LIPA: variants seen among roughly 807,000 people sequenced by gnomAD.
LIPA encodes lipase A, lysosomal acid type, also known as lysosomal acid lipase/cholesteryl ester hydrolase.
Under a neutral mutation model 40.6 loss-of-function variants are expected in LIPA, and 26 were observed. That is an observed-to-expected ratio of 0.64 (90% confidence interval 0.47 to 0.89). LIPA has a LOEUF of 0.89. Ranked by LOEUF, LIPA falls within the 40% of genes least tolerant of loss-of-function variation. LIPA has a pLI of 0.00. For synonymous variants in LIPA, 188 were observed against 168.4 expected (o/e 1.12, Z -0.90); for missense variants, 455 against 479.6 (o/e 0.95, Z 0.48).
intron 1 of LIPA, among the ~76,000 whole-genome samples, chr10:89,250,372 G>A (rs1006024026): frequency 1.3e-5 from 2 of 152,072 alleles, no homozygotes; most frequent in African/African-American, 4.8e-5. Flanking sequence ...AAAAGTGCTA[G>A]GATTACAGGC....
At chr10:89,289,963 G>A (rs1297117033) in intron 1 of LIPA, among the ~76,000 whole-genome samples, 1 of 140,600 alleles carries the variant, frequency 7.1e-6, no homozygotes, top group African/African-American at 2.7e-5. Context: ...CTACAAAATC[G>A]CTGAGGCCTT....
At chr10:89,386,970 TGTGAGA>T (rs750712136) in intron 2 of LIPA, among the ~76,000 whole-genome samples, 2 of 80,818 alleles carry the variant, frequency 2.5e-5, no homozygotes, top group African/African-American at 4.5e-5. Flanking sequence ...TGTGTGTGTG[TGTGAGA>T]GAGAGAGAGA....
intron 2 of LIPA, among the ~76,000 whole-genome samples, chr10:89,356,613 CTCCCA>C (rs1323108680): frequency 4.6e-5 from 7 of 152,210 alleles, no homozygotes; most frequent in African/African-American, 1.7e-4. Context: ...CTGCCACTGT[CTCCCA>C]TCACCCCCAG....
chr10:89,254,829 A>G (rs1391111631), upstream of LIPA, among the ~76,000 whole-genome samples: 1 of 152,192 alleles, frequency 6.6e-6, no homozygotes, highest in African/African-American at 2.4e-5. Context: ...CCTCAAGTTC[A>G]AAGTTTCACA....
At chr10:89,250,635 T>G (rs1769331397) in intron 1 of LIPA, among the ~76,000 whole-genome samples, 1 of 152,236 alleles carries the variant, frequency 6.6e-6, no homozygotes, top group Admixed American at 6.5e-5. Flanking sequence ...GAATAGCATC[T>G]GCAGGAGCTG....
At chr10:89,221,400 C>G (rs1038479531) in intron 8 of LIPA, among the ~76,000 whole-genome samples, 5 of 151,986 alleles carry the variant, frequency 3.3e-5, no homozygotes, top group Non-Finnish European at 5.9e-5. Context: ...ATTCTCTAGT[C>G]CAAATGATTG....
chr10:89,261,394 AC>A (rs1476381490), intron 1 of LIPA, among the ~76,000 whole-genome samples: 1 of 152,242 alleles, frequency 6.6e-6, no homozygotes, highest in Non-Finnish European at 1.5e-5. Flanking sequence ...AATCCCAGCT[AC>A]TTGGGAGGCT....
intron 1 of LIPA, chr10:89,285,290 C>G (rs1843335619): frequency 6.5e-6 from 1 of 153,058 alleles, no homozygotes; most frequent in African/African-American, 2.4e-5. Flanking sequence ...TTACTCTCTT[C>G]TCCAATCTCT....
chr10:89,248,348 GACAGGGTTTCACT>G (rs772080134), intron 1 of LIPA, among the ~76,000 whole-genome samples: 61 of 147,794 alleles, frequency 4.1e-4, no homozygotes, highest in Non-Finnish European at 7.1e-4. Context: ...TTTTAGTAGA[GACAGGGTTTCACT>G]ATATTGGCAA....
At chr10:89,390,265 C>A (rs1330630505) in intron 2 of LIPA, among the ~76,000 whole-genome samples, 1 of 152,036 alleles carries the variant, frequency 6.6e-6, no homozygotes, top group Non-Finnish European at 1.5e-5. Flanking sequence ...GGATTACAGG[C>A]GTGAGCCACT....
chr10:89,282,038 T>A (rs1436249819), intron 1 of LIPA, among the ~76,000 whole-genome samples: 1 of 152,226 alleles, frequency 6.6e-6, no homozygotes, highest in Admixed American at 6.5e-5. Flanking sequence ...CAAGAGTTAA[T>A]CAACTTTACT....
chr10:89,319,028 A>G (rs1843556847), intron 1 of LIPA, among the ~76,000 whole-genome samples: 1 of 152,246 alleles, frequency 6.6e-6, no homozygotes, highest in South Asian at 2.1e-4. Context: ...GAACAAAGAC[A>G]CAACACACCA....
intron 2 of LIPA, chr10:89,402,883 T>C: frequency 6.2e-7 from 1 of 1,614,244 alleles, no homozygotes; most frequent in Middle Eastern, 1.7e-4. Context: ...CCATTTTCTT[T>C]GCTTCCCCTA....
intron 1 of LIPA, among the ~76,000 whole-genome samples, chr10:89,298,060 A>C (rs1387440421): frequency 6.6e-6 from 1 of 152,202 alleles, no homozygotes. Context: ...TGCCAACATC[A>C]GTGTACACTT....
chr10:89,411,830 A>C (rs1184234553), intron 2 of LIPA, among the ~76,000 whole-genome samples: 2 of 152,206 alleles, frequency 1.3e-5, no homozygotes, highest in Non-Finnish European at 2.9e-5. Context: ...AAATCAGACA[A>C]CACCTTTCAA....
At chr10:89,337,602 G>C (rs1433519407) in intron 1 of LIPA, among the ~76,000 whole-genome samples, 1 of 152,094 alleles carries the variant, frequency 6.6e-6, no homozygotes, top group Non-Finnish European at 1.5e-5. Flanking sequence ...CTTTCGCCAT[G>C]TTGCCCAGGC....
chr10:89,232,373 G>A (rs752790719), intron 3 of LIPA, among the ~76,000 whole-genome samples: 3 of 152,212 alleles, frequency 2.0e-5, no homozygotes, highest in African/African-American at 7.2e-5. Context: ...GGCCAGGAAC[G>A]GGCTGCTCCC....
chr10:89,285,775 C>T (rs1240762568), intron 1 of LIPA, among the ~76,000 whole-genome samples: 1 of 151,896 alleles, frequency 6.6e-6, no homozygotes, highest in Non-Finnish European at 1.5e-5. Context: ...TGTCTCTACC[C>T]TCTCTTTTCT....
chr10:89,329,841 T>G (rs956151522), intron 1 of LIPA, among the ~76,000 whole-genome samples: 9 of 152,040 alleles, frequency 5.9e-5, no homozygotes, highest in Admixed American at 3.9e-4. Flanking sequence ...TTCACCTGGG[T>G]GCAGGTGGGC....
Sources: gnomAD v4.1 joint callset for allele counts (sites outside exome capture counted in the v4.1 genomes callset) on GRCh38, gnomAD v4.1.1 for gene constraint, MANE v1.5 for transcripts, NCBI Gene and HGNC (gene_info 2026-07-23, HGNC 2026-07-21) for gene names.